Variants in RNF149 observed in about 807,000 individuals in gnomAD.
RNF149 encodes E3 ubiquitin-protein ligase RNF149.
A neutral mutation model predicts 39.0 loss-of-function variants in RNF149; 21 were observed. The observed-to-expected ratio is 0.54, with a 90% CI of 0.38 to 0.77. RNF149 has a LOEUF of 0.77. RNF149 is among the 30% of genes least tolerant of loss of function. RNF149 has a pLI of 0.00. For synonymous variants in RNF149, 209 were observed against 213.6 expected, an observed-to-expected ratio of 0.98 and a Z score of 0.19; for missense variants, 493 against 534.9, an observed-to-expected ratio of 0.92 and a Z score of 0.77.
rs1368815068 is a variant in RNF149, at chr2:101,275,645, T to C, written c.*1593A>G. ...TTTAGTAGAGACGGGGTTTCACCGTTTTAGCCGGGATGGTCTCGATCTCCT... is the reference window on the plus strand; with the variant it reads ...TTTAGTAGAGACGGGGTTTCACCGTCTTAGCCGGGATGGTCTCGATCTCCT... On this transcript the variant is annotated 3_prime_UTR_variant, in exon 7 of 7. Transcript: ENST00000295317. 6.3e-6 allele frequency: 1 copy of C among 157,988 alleles called. No homozygotes were observed. The highest frequency in any genetic ancestry group is 1.2e-5 in the Non-Finnish European group (1 of 85,048). The allele number at this position is 157,988 out of a possible 1,614,324, so 9.8% of individuals were successfully genotyped here.
chr2:101,294,698 T>C (rs535312708), intron 2 of RNF149: 8 of 473,414 alleles, frequency 1.7e-5, no homozygotes, highest in Non-Finnish European at 3.0e-5. Flanking sequence ...AGAGGGTTCC[T>C]GCAGGAAACA....
At chr2:101,302,971 C>T in intron 1 of RNF149, among the ~76,000 whole-genome samples, 1 of 120,450 alleles carries the variant, frequency 8.3e-6, no homozygotes, top group East Asian at 2.4e-4. Context: ...CAGACTGAGA[C>T]ACTTGTCTCT....
chr2:101,302,851 G>A (rs900500502), intron 1 of RNF149, among the ~76,000 whole-genome samples: 15 of 152,072 alleles, frequency 9.9e-5, no homozygotes, highest in Non-Finnish European at 1.8e-4. Flanking sequence ...GTGGCAGCAT[G>A]CACCTGTAGT....
chr2:101,281,822 C>T, intron 6 of RNF149, 37 bp downstream of exon 6: 2 of 1,610,510 alleles, frequency 1.2e-6, no homozygotes, highest in Non-Finnish European at 1.7e-6. Flanking sequence ...CCACTCCTGG[C>T]CACATTCTAT....
Position 101,282,045 on chromosome 2 carries a change from C to T in RNF149, c.973G>A (p.Asp325Asn), listed in dbSNP as rs1211973441. The change falls in exon 6 of 7, where the codon GAT becomes AAT. Residue 325 changes from aspartate (D) to asparagine (N), a missense_variant. Transcript: ENST00000295317. ...TCTGGAGCAGGCATCTCCTGTACATCCCCAGGCTCTCCCTTGAGAATTAGA... is the reference window on the plus strand; with the variant it reads ...TCTGGAGCAGGCATCTCCTGTACATTCCCAGGCTCTCCCTTGAGAATTAGA... Reference protein sequence around the residue: ...KALGYWGEPGDVQEMPAPESP... With the variant: ...KALGYWGEPGNVQEMPAPESP... The T allele has an allele frequency of 1.2e-6, 2 of 1,613,802 alleles. No homozygotes were observed. Among genetic ancestry groups the T allele is most frequent in the Non-Finnish European group, 1.7e-6 (2 of 1,179,876 alleles).
At chr2:101,282,630 C>T (rs939777612) in intron 5 of RNF149, among the ~76,000 whole-genome samples, 8 of 152,178 alleles carry the variant, frequency 5.3e-5, no homozygotes, top group Admixed American at 6.5e-5. Context: ...ATCAGCATCA[C>T]TGCATTAAGT....
At chr2:101,300,778 C>T (rs182761785) in intron 1 of RNF149, among the ~76,000 whole-genome samples, 63 of 152,248 alleles carry the variant, frequency 4.1e-4, no homozygotes, top group African/African-American at 1.4e-3. Context: ...CTCTTTATAC[C>T]CTGAGATTTG....
At chr2:101,282,118 G>GT in intron 5 of RNF149, 61 bp from the exon 6 acceptor site, 1 of 1,596,840 alleles carries the variant, frequency 6.3e-7, no homozygotes, top group Non-Finnish European at 8.5e-7. Context: ...CAAAGCTTAT[G>GT]TATCATCTGG....
At chr2:101,278,571 T>C (rs896608685) in intron 6 of RNF149, among the ~76,000 whole-genome samples, 3 of 152,172 alleles carry the variant, frequency 2.0e-5, no homozygotes, top group African/African-American at 7.2e-5. Context: ...AAAAACTGTA[T>C]ATATATATGG....
intron 3 of RNF149, among the ~76,000 whole-genome samples, chr2:101,293,044 C>T (rs1432940796): frequency 2.1e-5 from 3 of 143,990 alleles, no homozygotes; most frequent in African/African-American, 7.8e-5. Context: ...CTTGCACAAA[C>T]TATCAAAATT....
downstream of RNF149, chr2:101,272,844 A>T: frequency 1.2e-6 from 1 of 813,980 alleles, no homozygotes; most frequent in Non-Finnish European, 1.8e-6. Context: ...ACAATCACCT[A>T]TTCCTGAAGG....
intron 1 of RNF149, among the ~76,000 whole-genome samples, chr2:101,295,525 G>C (rs1683193924): frequency 6.6e-6 from 1 of 151,998 alleles, no homozygotes; most frequent in African/African-American, 2.4e-5. Flanking sequence ...GCCAGGTGTG[G>C]TGGTGTGCGC....
chr2:101,282,863 C>A (rs1030534030), intron 5 of RNF149, among the ~76,000 whole-genome samples: 3 of 152,086 alleles, frequency 2.0e-5, no homozygotes, highest in Non-Finnish European at 2.9e-5. Context: ...CAGCCCTGCT[C>A]CACCTGTGTT....
At position 101,296,657 on chromosome 2, in the gene RNF149, G is replaced by T. The variant is rs143233117; in HGVS notation, c.461-1476C>A. On this transcript the variant is annotated intron_variant, in intron 1 of 6. Transcript: ENST00000295317. ...TGGGGCAACTGGGTATCATCAGTGC[G>T]GCGGGTCGGGGGAAGCTGCATCCAT... 1.3e-3 allele frequency among the ~76,000 whole-genome samples: 195 copies of T among 152,190 alleles called. No homozygotes were observed. In the East Asian group the frequency reaches 0.036, roughly 28 times the overall value.
In RNF149 at chr2:101,308,243, C is replaced by T; in HGVS notation, c.346G>A (p.Gly116Arg). Reference protein sequence around the residue: ...AAPWVALVARGGCTFKDKVLV... With the variant: ...AAPWVALVARRGCTFKDKVLV... The stretch of plus-strand genomic sequence containing the variant: ...ACCTTGTCCTTGAAGGTGCAGCCCC[C>T]ACGAGCCACCAGGGCGACCCAGGGC... The change falls in exon 1 of 7, where the codon GGG (glycine) becomes AGG (arginine). Residue 116 changes from glycine to arginine, a missense_variant. Coordinates refer to ENST00000295317, the MANE Select transcript of RNF149 (RefSeq NM_173647.4). 6.3e-7 allele frequency: 1 copy of T among 1,597,326 alleles called. No homozygotes were observed.
intron 6 of RNF149, among the ~76,000 whole-genome samples, chr2:101,280,176 A>AAATAATAATAATAATAAT (rs535984877): frequency 1.1e-3 from 165 of 148,284 alleles, no homozygotes; most frequent in African/African-American, 3.8e-3. Flanking sequence ...ACTCCATCTC[A>AAATAATAATAATAATAAT]AATAATAATA....
intron 3 of RNF149, among the ~76,000 whole-genome samples, chr2:101,292,195 A>C (rs1683037681): frequency 6.6e-6 from 1 of 152,346 alleles, no homozygotes; most frequent in Non-Finnish European, 1.5e-5. Context: ...TTTAAAGTTG[A>C]AAAATTGTTA....
intron 6 of RNF149, 74 bp from the exon 7 acceptor site, chr2:101,277,355 T>C (rs1682384252): frequency 6.5e-7 from 1 of 1,528,700 alleles, no homozygotes; most frequent in South Asian, 1.2e-5. Flanking sequence ...GCAAACACAC[T>C]TACTCACTTG....
rs1001747784 is a variant in RNF149, at chr2:101,293,887, T to C, written c.780+127A>G. 5.0e-6 allele frequency: 3 copies of C among 594,106 alleles called. No homozygotes were observed. The African/African-American group carries it at 5.7e-5, about 11-fold the overall frequency. The allele number at this position is 594,106 out of a possible 1,614,324, so 36.8% of individuals were successfully genotyped here. On this transcript the variant is annotated intron_variant, in intron 3 of 6. Coordinates refer to ENST00000295317, the MANE Select transcript of RNF149 (RefSeq NM_173647.4). ...CTATATGCGACTAGTGGCTACCATA[T>C]TAATGCAGGTCTAGAAGGCCCTTCT...
Sources: allele counts gnomAD v4.1 joint callset (sites outside exome capture counted in the v4.1 genomes callset), GRCh38; gene constraint gnomAD v4.1.1; transcripts MANE v1.5; gene names NCBI Gene and HGNC (gene_info 2026-07-23, HGNC 2026-07-21).